Variants in ME2 observed in about 807,000 individuals in gnomAD.
The protein encoded by ME2 is NAD-dependent malic enzyme, mitochondrial.
In ME2, 60 loss-of-function variants were observed where a neutral mutation model predicts 73.7. The observed-to-expected ratio is 0.81, with a 90% CI of 0.66 to 1.01. ME2 has a LOEUF of 1.01. Ranked by LOEUF, ME2 falls within the 50% of genes least tolerant of loss-of-function variation. The pLI, the probability that ME2 is intolerant of heterozygous loss-of-function variation, is 0.00. For synonymous variants in ME2, 199 were observed against 236.9 expected, an observed-to-expected ratio of 0.84 and a Z score of 1.47; for missense variants, 594 against 705.5, an observed-to-expected ratio of 0.84 and a Z score of 1.79.
chr18:50,884,771 A>C (rs923339268), intron 1 of ME2, among the ~76,000 whole-genome samples: 1 of 152,184 alleles, frequency 6.6e-6, no homozygotes, highest in African/African-American at 2.4e-5. Context: ...CTTTGATTCA[A>C]AATAAAATGT....
chr18:50,895,718 A>G, intron 1 of ME2, 91 bp from the exon 2 acceptor site: 1 of 780,272 alleles, frequency 1.3e-6, no homozygotes, highest in East Asian at 2.6e-5. Flanking sequence ...GCCTGTGGAA[A>G]CATAAATGTG....
intron 13 of ME2, chr18:50,933,345 A>G (rs1917742158): frequency 6.6e-6 from 1 of 152,158 alleles, no homozygotes; most frequent in Admixed American, 6.6e-5. Context: ...GCAGGCTCTA[A>G]TTAAGATATG....
Position 50,918,173 on chromosome 18 carries a change from G to A in ME2, c.694G>A (p.Asp232Asn). Residue 232 changes from aspartate (D) to asparagine (N), a missense_variant, in exon 7 of 16, where the codon GAT becomes AAT. Coordinates refer to ENST00000321341, the MANE Select transcript of ME2 (RefSeq NM_002396.5). ...YQKRDRTQQY[D>N]DLIDEFMKAI... ...GAAACGAGATCGCACACAACAGTAT[G>A]ATGACCTGATTGATGAGTTTATGAA... 1 of 1,610,840 alleles carries A rather than the reference G, an allele frequency of 6.2e-7. No individual in the cohort carries two copies. The highest frequency in any genetic ancestry group is 8.5e-7 in the Non-Finnish European group (1 of 1,177,690).
At chr18:50,945,538 A>C (rs1184344023) in intron 15 of ME2, among the ~76,000 whole-genome samples, 2 of 152,230 alleles carry the variant, frequency 1.3e-5, no homozygotes, top group Non-Finnish European at 2.9e-5. Flanking sequence ...TATGTTTTCT[A>C]TAATAGAACA....
intron 3 of ME2, among the ~76,000 whole-genome samples, chr18:50,910,127 G>T (rs1917113193): frequency 6.6e-6 from 1 of 151,864 alleles, no homozygotes; most frequent in Non-Finnish European, 1.5e-5. Context: ...GAGCCATGTG[G>T]CTATAAGATA....
intron 10 of ME2, among the ~76,000 whole-genome samples, chr18:50,922,702 T>C (rs1489083123): frequency 3.3e-5 from 5 of 152,234 alleles, no homozygotes; most frequent in Non-Finnish European, 5.9e-5. Flanking sequence ...TCAGATTATA[T>C]ATTTCTTTTC....
chr18:50,893,124 C>CAAAAAAAAAA (rs56104427), intron 1 of ME2, among the ~76,000 whole-genome samples: 24 of 78,088 alleles, frequency 3.1e-4, no homozygotes, highest in African/African-American at 1.4e-3. Context: ...GACTCTATCT[C>CAAAAAAAAAA]AAAAAAAAAA....
In ME2 at chr18:50,927,974, C is replaced by T. The variant is rs140574036; in HGVS notation, c.1314+2076C>T. Among the ~76,000 whole-genome samples, 306 of 150,976 alleles carry T rather than the reference C, an allele frequency of 2.0e-3. 4 individuals are homozygous for T. The highest frequency in any genetic ancestry group is 7.3e-3 in the African/African-American group (302 of 41,224). On this transcript the variant is annotated intron_variant, in intron 12 of 15. Coordinates refer to ENST00000321341, the MANE Select transcript of ME2 (RefSeq NM_002396.5). The stretch of plus-strand genomic sequence containing the variant: ...GACTACAGGCAAATACCACCACACC[C>T]AGCTAATTTTTTAATTTTTATTTTT...
In ME2 at chr18:50,942,453, T is replaced by C. The variant is rs577677020; in HGVS notation, c.1587+2067T>C. Among the ~76,000 whole-genome samples, 72 of 152,304 alleles carry C rather than the reference T, an allele frequency of 4.7e-4. 1 individual carries two copies. In the Middle Eastern group the frequency reaches 0.014, roughly 29 times the overall value. ...TTGTTTTCTTCTGGACAAGTTTTTG[T>C]ATCTGCTTTTTTAATTTTAAAAAAC... On this transcript the variant is annotated intron_variant, in intron 15 of 15. Transcript: ENST00000321341.
chr18:50,935,907 G>A (rs1206658380), intron 13 of ME2, among the ~76,000 whole-genome samples: 1 of 151,732 alleles, frequency 6.6e-6, no homozygotes, highest in African/African-American at 2.4e-5. Flanking sequence ...ACATTTCATT[G>A]ATAGATCTTT....
chr18:50,925,745 A>G lies in ME2; in HGVS notation c.1172-11A>G. 3 of 1,612,402 alleles carry G rather than the reference A, an allele frequency of 1.9e-6. No homozygotes were observed. Among genetic ancestry groups the G allele is most frequent in the Non-Finnish European group, 2.5e-6 (3 of 1,179,108 alleles). On this transcript the variant is annotated splice_polypyrimidine_tract_variant and intron_variant, in intron 11 of 15. Coordinates refer to ENST00000321341, the MANE Select transcript of ME2 (RefSeq NM_002396.5). ...AATGAAGTTGCTGTTTTTCCCCCTTACTTATTACAGGAGTTGCAGGTGCTG... is the reference window on the plus strand; with the variant it reads ...AATGAAGTTGCTGTTTTTCCCCCTTGCTTATTACAGGAGTTGCAGGTGCTG...
chr18:50,943,376 T>G (rs1395955432), intron 15 of ME2, among the ~76,000 whole-genome samples: 3 of 151,662 alleles, frequency 2.0e-5, no homozygotes, highest in Non-Finnish European at 2.9e-5. Context: ...CTCAGCTCAC[T>G]GCAACCTCTG....
chr18:50,929,381 C>T (rs2144252498), intron 12 of ME2, among the ~76,000 whole-genome samples: 1 of 150,408 alleles, frequency 6.6e-6, no homozygotes, highest in East Asian at 2.0e-4. Flanking sequence ...CCCAGCTACT[C>T]AGGAGGCTGA....
intron 12 of ME2, 110 bp downstream of exon 12, chr18:50,926,008 C>T (rs1182619642): frequency 1.1e-5 from 8 of 711,356 alleles, no homozygotes; most frequent in Non-Finnish European, 1.9e-5. Context: ...TTACAGCATG[C>T]ATCTATGGGT....
intron 1 of ME2, among the ~76,000 whole-genome samples, chr18:50,885,543 T>C (rs1916441827): frequency 6.6e-6 from 1 of 152,108 alleles, no homozygotes; most frequent in Non-Finnish European, 1.5e-5. Context: ...ATAAAACTTT[T>C]TTTAAATGAC....
intron 14 of ME2, 28 bp from the exon 15 acceptor site, chr18:50,940,260 A>G: frequency 2.0e-6 from 3 of 1,522,664 alleles, no homozygotes; most frequent in South Asian, 1.2e-5. Flanking sequence ...TTAAACAAAC[A>G]AAAGCAAAAT....
intron 1 of ME2, 86 bp from the exon 2 acceptor site, chr18:50,895,723 A>G (rs1599091000): frequency 1.2e-6 from 1 of 814,566 alleles, no homozygotes; most frequent in Admixed American, 2.5e-5. Flanking sequence ...TGGAAACATA[A>G]ATGTGTTTTG....
chr18:50,908,679 TGCCCAGGCTGGAGTGCA>T (rs1197810146), intron 3 of ME2, among the ~76,000 whole-genome samples: 4 of 152,154 alleles, frequency 2.6e-5, no homozygotes, highest in Non-Finnish European at 5.9e-5. Flanking sequence ...CTCGCTCTGT[TGCCCAGGCTGGAGTGCA>T]GTGGTGCGAT....
chr18:50,925,239 G>A (rs1050283659), intron 11 of ME2, among the ~76,000 whole-genome samples: 2 of 152,126 alleles, frequency 1.3e-5, no homozygotes, highest in African/African-American at 4.8e-5. Flanking sequence ...AGCACTCTGG[G>A]AGGCCGAGGC....
Sources: allele counts gnomAD v4.1 joint callset (sites outside exome capture counted in the v4.1 genomes callset), GRCh38; gene constraint gnomAD v4.1.1; transcripts MANE v1.5; gene names NCBI Gene and HGNC (gene_info 2026-07-23, HGNC 2026-07-21).